Variants in PCDHA3 observed in about 807,000 individuals in gnomAD.
PCDHA3 encodes protocadherin alpha-3.
A neutral mutation model predicts 62.2 loss-of-function variants in PCDHA3; 41 were observed. The ratio of observed to expected loss-of-function variants is 0.66; its 90% CI spans 0.51 to 0.86. The LOEUF (loss-of-function observed/expected upper bound fraction) is 0.86, where lower values mean the gene tolerates loss of function less well. Among genes scored for constraint, PCDHA3 ranks in the 40% least tolerant of loss-of-function variants. The pLI is 0.00. For missense variants in PCDHA3, 1,304 were observed against 1,241.2 expected (o/e 1.05, Z -0.76); for synonymous variants, 640 against 555.4 (o/e 1.15, Z -2.14).
chr5:140,969,023 C>T lies in PCDHA3; in HGVS notation c.2395-9926C>T. ...CTTCTGTGGAGTAAGGGAAAGGTCC[C>T]CTGCAGAACTGTACAAACAAGCCAA... is the stretch of plus-strand genomic sequence containing the variant. On this transcript the variant is annotated intron_variant, in intron 1 of 3. Coordinates refer to ENST00000522353, the MANE Select transcript of PCDHA3 (RefSeq NM_018906.3). The T allele has an allele frequency of 3.1e-6, 5 of 1,614,124 alleles. No homozygotes were observed. In the Admixed American group the frequency reaches 5.0e-5, roughly 16 times the overall value.
At chr5:140,850,702 A>G in intron 1 of PCDHA3, 1 of 1,598,166 alleles carries the variant, frequency 6.3e-7, no homozygotes, top group Middle Eastern at 1.7e-4. Flanking sequence ...GCGCCTGGCA[A>G]GCCGACGCTG....
intron 1 of PCDHA3, chr5:140,882,206 G>C: frequency 6.5e-7 from 1 of 1,531,252 alleles, no homozygotes; most frequent in Non-Finnish European, 8.8e-7. Context: ...TGGGCCTTGA[G>C]AGACAGTTTG....
chr5:140,953,842 T>A (rs1369287853), intron 1 of PCDHA3, among the ~76,000 whole-genome samples: 2 of 152,214 alleles, frequency 1.3e-5, no homozygotes, highest in Non-Finnish European at 2.9e-5. Flanking sequence ...GTTACCCAGG[T>A]AAACATGTGC....
intron 1 of PCDHA3, chr5:140,864,601 A>C (rs2048532983): frequency 6.6e-6 from 1 of 152,200 alleles, no homozygotes; most frequent in Non-Finnish European, 1.5e-5. Context: ...TCAGATAGCC[A>C]ACAACTTTGT....
At chr5:140,944,928 C>A (rs1554216614) in intron 1 of PCDHA3, among the ~76,000 whole-genome samples, 1 of 152,074 alleles carries the variant, frequency 6.6e-6, no homozygotes, top group Non-Finnish European at 1.5e-5. Flanking sequence ...TTGGTTTATG[C>A]CTTCTTTAGA....
At chr5:140,876,577 A>T in intron 1 of PCDHA3, 2 of 1,614,182 alleles carry the variant, frequency 1.2e-6, no homozygotes, top group Non-Finnish European at 1.7e-6. Flanking sequence ...GGGTACCGTC[A>T]TTGCCCTGAT....
chr5:140,966,702 G>T, intron 1 of PCDHA3: 1 of 1,367,880 alleles, frequency 7.3e-7, no homozygotes. Flanking sequence ...GCCCGGGCGT[G>T]GGGCACGGCT....
In PCDHA3 at chr5:140,804,949, C is replaced by T. The variant is rs571726219; in HGVS notation, c.2394+1358C>T. ...GCACTATCCTTTGTTGCTCCCTTGT[C>T]CATGAAGTAGTAGCCATAGTGTGTC... On this transcript the variant is annotated intron_variant, in intron 1 of 3. Transcript: ENST00000522353. 5.4e-6 allele frequency: 7 copies of T among 1,297,142 alleles called. No individual in the cohort carries two copies. The Admixed American group carries it at 8.9e-5, about 16-fold the overall frequency. 80.4% of individuals were successfully genotyped at this position (1,297,142 alleles called of 1,614,324 possible).
chr5:140,884,967 G>A (rs895578956), intron 1 of PCDHA3, among the ~76,000 whole-genome samples: 2 of 152,134 alleles, frequency 1.3e-5, no homozygotes, highest in African/African-American at 4.8e-5. Context: ...CTCACGTTGT[G>A]AGAACTTAAA....
intron 1 of PCDHA3, chr5:140,850,770 T>C (rs2150497616): frequency 6.3e-7 from 1 of 1,598,038 alleles, no homozygotes; most frequent in Non-Finnish European, 8.6e-7. Flanking sequence ...GCAGAGGGTG[T>C]GCTCTGGCGA....
intron 1 of PCDHA3, among the ~76,000 whole-genome samples, chr5:140,935,798 G>T (rs1302798386): frequency 6.6e-6 from 1 of 151,552 alleles, no homozygotes; most frequent in Non-Finnish European, 1.5e-5. Context: ...ATATAAACGA[G>T]ATTATTTCAT....
chr5:140,829,453 G>A, intron 1 of PCDHA3: 1 of 1,613,920 alleles, frequency 6.2e-7, no homozygotes. Flanking sequence ...ATGCTCCGGC[G>A]TTCGCGCAGC....
At chr5:140,950,821 G>T (rs1361371532) in intron 1 of PCDHA3, among the ~76,000 whole-genome samples, 8 of 152,020 alleles carry the variant, frequency 5.3e-5, no homozygotes, top group Non-Finnish European at 4.4e-5. Context: ...TAGGGTTAAA[G>T]TTTGGTCCTT....
chr5:140,847,627 T>G (rs886255064), intron 1 of PCDHA3: 2 of 149,354 alleles, frequency 1.3e-5, no homozygotes, highest in Non-Finnish European at 3.0e-5. Flanking sequence ...CAAACTATAT[T>G]GGAGACTACA....
chr5:140,825,205 C>T (rs1768477238), intron 1 of PCDHA3: 1 of 151,526 alleles, frequency 6.6e-6, no homozygotes, highest in South Asian at 2.1e-4. Flanking sequence ...ATTATCATTA[C>T]TGAAGTAGAT....
At chr5:140,839,749 T>TC (rs1400438543) in intron 1 of PCDHA3, among the ~76,000 whole-genome samples, 2 of 152,066 alleles carry the variant, frequency 1.3e-5, no homozygotes, top group African/African-American at 4.8e-5. Flanking sequence ...TATTTGCCTT[T>TC]CCTATTTAAC....
At position 140,966,655 on chromosome 5, in the gene PCDHA3, G is replaced by T. The variant is rs576875582; in HGVS notation, c.2395-12294G>T. The T allele has an allele frequency of 2.6e-5, 31 of 1,195,250 alleles. No homozygotes were observed. In the South Asian group the frequency reaches 4.0e-4, roughly 15 times the overall value. 74.0% of individuals were successfully genotyped at this position (1,195,250 alleles called of 1,614,324 possible). On this transcript the variant is annotated intron_variant, in intron 1 of 3. Coordinates refer to ENST00000522353, the MANE Select transcript of PCDHA3 (RefSeq NM_018906.3). ...AGGCGCTTTCTAGAGCGTGAGCGGT[G>T]GGGGAGCAGGCGCAGGGTGGCACGA...
chr5:140,903,540 A>G (rs531687543), intron 1 of PCDHA3, among the ~76,000 whole-genome samples: 46 of 152,352 alleles, frequency 3.0e-4, no homozygotes, highest in African/African-American at 9.9e-4. Flanking sequence ...AACTAGAGCA[A>G]GAAACTTTTC....
At chr5:140,855,797 T>C in intron 1 of PCDHA3, 1 of 465,668 alleles carries the variant, frequency 2.1e-6, no homozygotes, top group South Asian at 4.0e-5. Context: ...AATTAACATA[T>C]GAATGAAAGA....
Sources: allele counts gnomAD v4.1 joint callset (sites outside exome capture counted in the v4.1 genomes callset), GRCh38; gene constraint gnomAD v4.1.1; transcripts MANE v1.5; gene names NCBI Gene and HGNC (gene_info 2026-07-23, HGNC 2026-07-21).